The following PGBD5 variants were observed in gnomAD, a reference collection of about 807,000 sequenced individuals.
PGBD5 encodes the protein piggyBac transposable element-derived protein 5.
PGBD5 carries 14 observed loss-of-function variants against 47.9 expected under a neutral mutation model. The ratio of observed to expected loss-of-function variants is 0.29; its 90% CI spans 0.19 to 0.46. PGBD5 has a LOEUF of 0.46. Among genes scored for constraint, PGBD5 ranks in the 20% least tolerant of loss-of-function variants. PGBD5 has a pLI of 1.00. For missense variants in PGBD5, 635 were observed against 716.0 expected, an observed-to-expected ratio of 0.89 and a Z score of 1.29; for synonymous variants, 316 against 306.3, an observed-to-expected ratio of 1.03 and a Z score of -0.33.
At chr1:230,339,976 G>A (rs769498975) in intron 3 of PGBD5, among the ~76,000 whole-genome samples, 3 of 152,128 alleles carry the variant, frequency 2.0e-5, no homozygotes, top group African/African-American at 4.8e-5. Flanking sequence ...TGCCAAGACG[G>A]TCGATTTTAA....
chr1:230,376,955 C>T (rs1288160381), intron 1 of PGBD5, among the ~76,000 whole-genome samples: 1 of 152,196 alleles, frequency 6.6e-6, no homozygotes, highest in Non-Finnish European at 1.5e-5. Flanking sequence ...CAGGGCCAGG[C>T]ACTGACTAAG....
At chr1:230,413,455 G>T (rs574699960) in intron 1 of PGBD5, among the ~76,000 whole-genome samples, 1 of 152,032 alleles carries the variant, frequency 6.6e-6, no homozygotes, top group Non-Finnish European at 1.5e-5. Flanking sequence ...AGCCGTGATC[G>T]CATCATCGCA....
intron 1 of PGBD5, among the ~76,000 whole-genome samples, chr1:230,365,706 C>T (rs1237497297): frequency 1.3e-5 from 2 of 152,246 alleles, no homozygotes; most frequent in African/African-American, 4.8e-5. Flanking sequence ...AAGGTGAGCA[C>T]TACACTGCCA....
intron 1 of PGBD5, among the ~76,000 whole-genome samples, chr1:230,376,168 G>A (rs1290153584): frequency 6.6e-6 from 1 of 152,128 alleles, no homozygotes; most frequent in Non-Finnish European, 1.5e-5. Flanking sequence ...TGCAGGCACA[G>A]TTCCAAGAAT....
At chr1:230,418,801 C>T (rs12025498) in intron 1 of PGBD5, among the ~76,000 whole-genome samples, 8,175 of 152,320 alleles carry the variant, frequency 0.054, 781 homozygotes, top group East Asian at 0.28. Flanking sequence ...GAACTAGGAA[C>T]ACTCTTTACC....
intron 1 of PGBD5, among the ~76,000 whole-genome samples, chr1:230,365,312 C>CAA (rs34846205): frequency 0.055 from 6,314 of 115,556 alleles, 432 homozygotes; most frequent in African/African-American, 0.19. Flanking sequence ...GACTCCATCT[C>CAA]AAAAAAAAAA....
chr1:230,376,620 C>T (rs557453516), intron 1 of PGBD5, among the ~76,000 whole-genome samples: 2 of 152,224 alleles, frequency 1.3e-5, no homozygotes, highest in African/African-American at 4.8e-5. Context: ...CTGAATGGTC[C>T]GCTCCTATCA....
At chr1:230,367,158 G>A (rs1667848860) in intron 1 of PGBD5, among the ~76,000 whole-genome samples, 1 of 152,008 alleles carries the variant, frequency 6.6e-6, no homozygotes, top group Non-Finnish European at 1.5e-5. Context: ...TAGCTCTTCA[G>A]TCGCAATCAA....
At chr1:230,352,571 G>C (rs899812922) in intron 2 of PGBD5, among the ~76,000 whole-genome samples, 1 of 152,188 alleles carries the variant, frequency 6.6e-6, no homozygotes, top group African/African-American at 2.4e-5. Flanking sequence ...GCACTGTTCA[G>C]TCTTAGCAGT....
intron 1 of PGBD5, among the ~76,000 whole-genome samples, chr1:230,414,717 T>A (rs1427668466): frequency 6.6e-6 from 1 of 152,136 alleles, no homozygotes; most frequent in Non-Finnish European, 1.5e-5. Context: ...TCAGCTGAAA[T>A]ATCAGCACTA....
intron 4 of PGBD5, among the ~76,000 whole-genome samples, chr1:230,333,946 G>A (rs3811476): frequency 0.11 from 17,346 of 152,202 alleles, 1,108 homozygotes; most frequent in South Asian, 0.24. Context: ...GGGGCCACAA[G>A]CACTCAGCTG....
intron 1 of PGBD5, among the ~76,000 whole-genome samples, chr1:230,393,838 A>T (rs1253545102): frequency 6.0e-5 from 9 of 151,096 alleles, no homozygotes; most frequent in East Asian, 3.9e-4. Context: ...AAAAAAAAAA[A>T]AAAAAATAAT....
At chr1:230,368,524 G>A (rs974253068) in intron 1 of PGBD5, among the ~76,000 whole-genome samples, 7 of 152,250 alleles carry the variant, frequency 4.6e-5, no homozygotes, top group Non-Finnish European at 2.9e-5. Flanking sequence ...TCTGGCCCCT[G>A]GGGCGCCTCT....
Position 230,317,942 on chromosome 1 carries a change from A to T in PGBD5, c.*5483T>A, listed in dbSNP as rs1373831556. ...ATTACGACCGTGTATACATGGGTAT[A>T]CACGGAAGGGTGAAGGTGCCCCACC... On this transcript the variant is annotated 3_prime_UTR_variant, in exon 7 of 7. Transcript: ENST00000391860. 2.6e-5 allele frequency: 4 copies of T among 152,132 alleles called. No individual in the cohort carries two copies. Among genetic ancestry groups the T allele is most frequent in the African/African-American group, 7.2e-5 (3 of 41,410 alleles). 9.4% of individuals were successfully genotyped at this position (152,132 alleles called of 1,614,324 possible). A position where few individuals can be genotyped will look rare whatever the true frequency, so the allele number is the denominator to read the frequency against.
At chr1:230,382,144 G>GCCAGCAGGAGC (rs1558206025) in intron 1 of PGBD5, among the ~76,000 whole-genome samples, 1 of 152,144 alleles carries the variant, frequency 6.6e-6, no homozygotes, top group Non-Finnish European at 1.5e-5. Context: ...CAGTTCCTAG[G>GCCAGCAGGAGC]CCAGCAGGAG....
intron 1 of PGBD5, among the ~76,000 whole-genome samples, chr1:230,371,881 C>T (rs1017917430): frequency 2.0e-5 from 3 of 152,178 alleles, no homozygotes; most frequent in Non-Finnish European, 2.9e-5. Context: ...GGAAGCTCGC[C>T]ACCTCAGTGC....
At chr1:230,412,305 A>C (rs1657425870) in intron 1 of PGBD5, among the ~76,000 whole-genome samples, 1 of 152,066 alleles carries the variant, frequency 6.6e-6, no homozygotes, top group South Asian at 2.1e-4. Flanking sequence ...CTAATAGCCT[A>C]CTGTTGAGTG....
intron 2 of PGBD5, among the ~76,000 whole-genome samples, chr1:230,356,629 G>A (rs1277400766): frequency 6.6e-6 from 1 of 152,188 alleles, no homozygotes; most frequent in East Asian, 1.9e-4. Context: ...AGGAAGGAAA[G>A]GGAGAAAAGA....
At chr1:230,419,076 C>G (rs939418039) in intron 1 of PGBD5, among the ~76,000 whole-genome samples, 7 of 152,180 alleles carry the variant, frequency 4.6e-5, no homozygotes, top group African/African-American at 1.7e-4. Context: ...CAAAGGAAAA[C>G]AAATTGTTCT....
Sources: allele counts gnomAD v4.1 joint callset (sites outside exome capture counted in the v4.1 genomes callset), GRCh38; gene constraint gnomAD v4.1.1; transcripts MANE v1.5; gene names NCBI Gene and HGNC (gene_info 2026-07-23, HGNC 2026-07-21).